CDC42SE2: variants seen among roughly 807,000 people sequenced by gnomAD.
CDC42SE2 encodes CDC42 small effector 2.
In CDC42SE2, 3 loss-of-function variants were observed where a neutral mutation model predicts 11.5. That is an observed-to-expected ratio of 0.26 (90% CI 0.12 to 0.67). CDC42SE2 has a LOEUF of 0.67. Ranked by LOEUF, CDC42SE2 falls within the 30% of genes least tolerant of loss-of-function variation. CDC42SE2 has a pLI of 0.80. For missense variants in CDC42SE2, 82 were observed against 106.8 expected, an observed-to-expected ratio of 0.77 and a Z score of 1.02; for synonymous variants, 33 against 34.8, an observed-to-expected ratio of 0.95 and a Z score of 0.18.
intron 1 of CDC42SE2, among the ~76,000 whole-genome samples, chr5:131,283,008 G>C (rs1360442842): frequency 7.2e-6 from 1 of 139,182 alleles, no homozygotes; most frequent in Non-Finnish European, 1.6e-5. Context: ...GCTCACCGCA[G>C]CCTCCACCTC....
chr5:131,211,869 C>T, the CDC42SE2 span, among the ~76,000 whole-genome samples: 5 of 151,186 alleles, frequency 3.3e-5, no homozygotes, highest in African/African-American at 7.3e-5. Context: ...CTGTAATCTC[C>T]GCTACTGGGG....
At chr5:131,389,775 A>AG (rs1383738452) in intron 4 of CDC42SE2, among the ~76,000 whole-genome samples, 1 of 152,136 alleles carries the variant, frequency 6.6e-6, no homozygotes. Context: ...GGAAGTGTGC[A>AG]GGGCCCTTTG....
intron 3 of CDC42SE2, among the ~76,000 whole-genome samples, chr5:131,370,061 T>C (rs1749973065): frequency 6.6e-6 from 1 of 152,172 alleles, no homozygotes. Flanking sequence ...TTAAAAGAGA[T>C]GAAAAATAAA....
At chr5:131,264,406 A>G (rs1756808732) in intron 1 of CDC42SE2, among the ~76,000 whole-genome samples, 1 of 151,984 alleles carries the variant, frequency 6.6e-6, no homozygotes, top group Non-Finnish European at 1.5e-5. Flanking sequence ...TCCTCTGAGG[A>G]ATGGTTACAC....
chr5:131,295,661 G>T (rs1248391275), intron 1 of CDC42SE2, among the ~76,000 whole-genome samples: 4 of 151,802 alleles, frequency 2.6e-5, no homozygotes, highest in African/African-American at 9.7e-5. Flanking sequence ...ATGATTTGTG[G>T]ACAGAAGAGT....
At chr5:131,327,845 C>T (rs1394915602) in intron 2 of CDC42SE2, among the ~76,000 whole-genome samples, 1 of 152,066 alleles carries the variant, frequency 6.6e-6, no homozygotes, top group African/African-American at 2.4e-5. Context: ...ATACAAACAC[C>T]ATATTATCTT....
At chr5:131,339,357 A>G (rs1038249327) in intron 2 of CDC42SE2, among the ~76,000 whole-genome samples, 2 of 151,960 alleles carry the variant, frequency 1.3e-5, no homozygotes, top group African/African-American at 2.4e-5. Context: ...ACAGTCCAAC[A>G]TGAGAGAGAG....
At chr5:131,311,967 C>G (rs1185371263) in intron 1 of CDC42SE2, among the ~76,000 whole-genome samples, 2 of 152,206 alleles carry the variant, frequency 1.3e-5, no homozygotes, top group Non-Finnish European at 2.9e-5. Context: ...CCCTGTCCAG[C>G]TTTGTTCTGT....
At chr5:131,309,815 G>T (rs925035517) in intron 1 of CDC42SE2, among the ~76,000 whole-genome samples, 9 of 152,026 alleles carry the variant, frequency 5.9e-5, no homozygotes, top group East Asian at 1.9e-4. Flanking sequence ...TTTTTTATTG[G>T]GTCTATTTGA....
At chr5:131,233,460 T>C in the CDC42SE2 span, among the ~76,000 whole-genome samples, 2 of 152,200 alleles carry the variant, frequency 1.3e-5, no homozygotes, top group Admixed American at 1.3e-4. Context: ...CTCCGCCTCC[T>C]GGGTTCAAGT....
chr5:131,283,527 C>T (rs1244575054), intron 1 of CDC42SE2, among the ~76,000 whole-genome samples: 1 of 150,474 alleles, frequency 6.6e-6, no homozygotes, highest in Non-Finnish European at 1.5e-5. Context: ...GAGTTTCGCT[C>T]TTGTTATCCA....
chr5:131,285,477 A>G (rs1757321313), intron 1 of CDC42SE2, among the ~76,000 whole-genome samples: 1 of 152,224 alleles, frequency 6.6e-6, no homozygotes, highest in Non-Finnish European at 1.5e-5. Context: ...TTAATTTTTC[A>G]CATGGACCTA....
rs1756796422 is a variant in CDC42SE2, at chr5:131,264,055, G to A, written c.-566G>A. ...AGCCTGGGCGGGGAGGGGGAGCCAGGAAGCTGCGAGCGCGCTGGGGAGCGC... is the reference window on the plus strand; with the variant it reads ...AGCCTGGGCGGGGAGGGGGAGCCAGAAAGCTGCGAGCGCGCTGGGGAGCGC... On this transcript the variant is annotated 5_prime_UTR_variant, in exon 1 of 5. Transcript: ENST00000505065. The A allele has an allele frequency of 6.6e-6, 1 of 151,922 alleles. No individual in the cohort carries two copies. Among genetic ancestry groups the A allele is most frequent in the Non-Finnish European group, 1.5e-5 (1 of 67,962 alleles). The allele number at this position is 151,922 out of a possible 1,614,324, so 9.4% of individuals were successfully genotyped here.
intron 2 of CDC42SE2, among the ~76,000 whole-genome samples, chr5:131,346,350 A>T (rs539136753): frequency 1.3e-4 from 20 of 152,340 alleles, no homozygotes; most frequent in African/African-American, 4.3e-4. Context: ...AGGGGTTGCA[A>T]TCCTAGTCTC....
the CDC42SE2 span, among the ~76,000 whole-genome samples, chr5:131,216,181 A>C: frequency 6.6e-6 from 1 of 152,140 alleles, no homozygotes; most frequent in Admixed American, 6.5e-5. Flanking sequence ...TTAAAATAAA[A>C]GTCATAGTCT....
At chr5:131,228,681 T>G in the CDC42SE2 span, among the ~76,000 whole-genome samples, 4 of 152,188 alleles carry the variant, frequency 2.6e-5, no homozygotes, top group Non-Finnish European at 4.4e-5. Flanking sequence ...TCAAATCACA[T>G]GTTGAGGCCC....
At chr5:131,348,777 C>G (rs1249639853) in intron 2 of CDC42SE2, among the ~76,000 whole-genome samples, 4 of 152,316 alleles carry the variant, frequency 2.6e-5, no homozygotes, top group African/African-American at 7.2e-5. Flanking sequence ...CAGCATGGTA[C>G]TGGTACCAAA....
intron 1 of CDC42SE2, among the ~76,000 whole-genome samples, chr5:131,308,980 A>G (rs1348322843): frequency 2.7e-5 from 4 of 149,138 alleles, no homozygotes; most frequent in Admixed American, 6.7e-5. Context: ...TTCCAACACT[A>G]TGTTGAATAG....
intron 1 of CDC42SE2, among the ~76,000 whole-genome samples, chr5:131,288,621 G>GGCAGAT (rs1347460150): frequency 1.3e-5 from 2 of 152,160 alleles, no homozygotes; most frequent in African/African-American, 4.8e-5. Context: ...CAGTATCTGA[G>GGCAGAT]ATAGCTGGGA....
Sources: gnomAD v4.1 joint callset for allele counts (sites outside exome capture counted in the v4.1 genomes callset) on GRCh38, gnomAD v4.1.1 for gene constraint, MANE v1.5 for transcripts, NCBI Gene and HGNC (gene_info 2026-07-23, HGNC 2026-07-21) for gene names.